Variants in PPP6R1 observed in about 807,000 individuals in gnomAD.
PPP6R1 encodes the protein serine/threonine-protein phosphatase 6 regulatory subunit 1.
PPP6R1 carries 39 observed loss-of-function variants against 104.6 expected under a neutral mutation model. The ratio of observed to expected loss-of-function variants is 0.37; its 90% CI spans 0.29 to 0.49. The LOEUF (loss-of-function observed/expected upper bound fraction) is 0.49, where lower values mean the gene tolerates loss of function less well. Ranked by LOEUF, PPP6R1 falls within the 20% of genes least tolerant of loss-of-function variation. The probability of loss-of-function intolerance (pLI) is 0.98; values close to 1 mark genes in which losing one functional copy is unlikely to be tolerated. For missense variants in PPP6R1, 1,181 were observed against 1,155.8 expected, an observed-to-expected ratio of 1.02 and a Z score of -0.32; for synonymous variants, 549 against 479.0, an observed-to-expected ratio of 1.15 and a Z score of -1.91.
At position 55,258,708 on chromosome 19, in the gene PPP6R1, C is replaced by A. The variant is rs1243922735; in HGVS notation, c.-280G>T. On this transcript the variant is annotated 5_prime_UTR_variant, in exon 1 of 24. Transcript: ENST00000412770. ...CGTCACTAGTCCGCGTAGGCACCTC[C>A]GGGGTCCGCAGGCGAGGTGGGCGTG... is the stretch of plus-strand genomic sequence containing the variant. 1 of 151,488 alleles carries A rather than the reference C, an allele frequency of 6.6e-6. No individual in the cohort carries two copies. The highest frequency in any genetic ancestry group is 2.4e-5 in the African/African-American group (1 of 41,210). The allele number at this position is 151,488 out of a possible 1,614,324, so 9.4% of individuals were successfully genotyped here.
chr19:55,250,432 G>A (rs1474810700), intron 1 of PPP6R1, among the ~76,000 whole-genome samples: 4 of 152,262 alleles, frequency 2.6e-5, no homozygotes, highest in East Asian at 3.9e-4. Context: ...ATGAATGAGC[G>A]AGTTCCCGCT....
intron 5 of PPP6R1, among the ~76,000 whole-genome samples, chr19:55,242,855 C>T (rs1220352853): frequency 1.3e-5 from 2 of 152,218 alleles, no homozygotes; most frequent in Admixed American, 1.3e-4. Flanking sequence ...GAAACTGATA[C>T]ATGCAACCAC....
At chr19:55,246,100 G>A (rs1049165707) in intron 2 of PPP6R1, among the ~76,000 whole-genome samples, 4 of 152,136 alleles carry the variant, frequency 2.6e-5, no homozygotes, top group Admixed American at 1.3e-4. Context: ...GGTGCCTGAC[G>A]GCTCCAAGAC....
Position 55,247,063 on chromosome 19 carries a change from T to G in PPP6R1, c.41A>C (p.Asp14Ala). The G allele has an allele frequency of 6.2e-7, 1 of 1,613,716 alleles. No homozygotes were observed. Among genetic ancestry groups the G allele is most frequent in the Non-Finnish European group, 8.5e-7 (1 of 1,179,860 alleles). ...CAGGTCCTCCCGCTCCAGCAGCGTGTCCAGGTGCGAGCTTGTGTGCAGGTC... is the reference window on the plus strand; with the variant it reads ...CAGGTCCTCCCGCTCCAGCAGCGTGGCCAGGTGCGAGCTTGTGTGCAGGTC... ...KFDLHTSSHL[D>A]TLLEREDLSL... is the part of the protein sequence containing the mutation. Residue 14 changes from aspartate (D) to alanine (A), a missense_variant, in exon 2 of 24, where the codon GAC (aspartate) becomes GCC (alanine). Asp to Ala is a moderately radical substitution (Grantham distance 126). Transcript: ENST00000412770.
downstream of PPP6R1, chr19:55,229,422 C>T (rs553903019): frequency 5.9e-5 from 9 of 152,678 alleles, no homozygotes; most frequent in African/African-American, 1.7e-4. Flanking sequence ...GTGCCACTCG[C>T]TGCACACGCA....
downstream of PPP6R1, chr19:55,229,458 A>G (rs904672009): frequency 3.3e-5 from 5 of 152,292 alleles, no homozygotes; most frequent in African/African-American, 1.2e-4. Flanking sequence ...TTCTACCTGA[A>G]AGACTCAGAC....
chr19:55,236,895 G>A lies in PPP6R1; in HGVS notation c.1809+18C>T, dbSNP rs772699731. ...CACCCCTCCACCCGCCACAACCAGG[G>A]GACAGGGCAGTACTCACGTTCTCAT... On this transcript the variant is annotated intron_variant, in intron 16 of 23. Transcript: ENST00000412770. 3.7e-6 allele frequency: 6 copies of A among 1,612,720 alleles called. No individual in the cohort carries two copies. Among genetic ancestry groups the A allele is most frequent in the Non-Finnish European group, 4.2e-6 (5 of 1,178,692 alleles).
Position 55,245,763 on chromosome 19 carries a change from G to A in PPP6R1, c.228-85C>T, listed in dbSNP as rs562299199. The A allele has an allele frequency of 7.4e-4, 850 of 1,151,068 alleles. 5 individuals are homozygous for A. Among genetic ancestry groups the A allele is most frequent in the Middle Eastern group, 7.2e-3 (25 of 3,480 alleles). 71.3% of individuals were successfully genotyped at this position (1,151,068 alleles called of 1,614,324 possible). A position where few individuals can be genotyped will look rare whatever the true frequency, so the allele number is the denominator to read the frequency against. On this transcript the variant is annotated intron_variant, in intron 2 of 23. Transcript: ENST00000412770. This position sits in a 1 kb window ranked among gnomAD's most constrained non-coding sequence, Gnocchi z 6.4. ...AAGGCTCCACCCTCTTCTCTGCACC[G>A]GGCACTGGGTTTCTGGGAACTGCAG... is the stretch of plus-strand genomic sequence containing the variant.
intron 1 of PPP6R1, among the ~76,000 whole-genome samples, chr19:55,250,560 T>C (rs950930056): frequency 1.3e-5 from 2 of 152,140 alleles, no homozygotes; most frequent in African/African-American, 4.8e-5. Context: ...CCTGTCTGGA[T>C]GGTAAACTCC....
chr19:55,244,678 T>A (rs1345083244), intron 5 of PPP6R1, among the ~76,000 whole-genome samples: 1 of 152,216 alleles, frequency 6.6e-6, no homozygotes, highest in East Asian at 1.9e-4. Context: ...GTCAAGTTTC[T>A]TTCCTTTTCT....
Position 55,240,286 on chromosome 19 carries a change from G to A in PPP6R1, c.1311C>T (p.Cys437=). The change falls in exon 11 of 24, where the codon TGC becomes TGT. Residue 437 remains cysteine (C), a synonymous_variant. Coordinates refer to ENST00000412770, the MANE Select transcript of PPP6R1 (RefSeq NM_014931.4). ...ACGTCAGGATCCGCTCCACCAGGCG[G>A]CACTGCTGCAGCAGCTGCGGGAGAG... ...NPVVKHLLQQ[C]RLVERILTSW... The A allele has an allele frequency of 6.3e-7, 1 of 1,592,554 alleles. No individual in the cohort carries two copies. Among genetic ancestry groups the A allele is most frequent in the Non-Finnish European group, 8.5e-7 (1 of 1,170,360 alleles).
rs987993081 is a variant in PPP6R1, at chr19:55,240,243, G to A, written c.1354C>T (p.Arg452Cys). Residue 452 changes from arginine to cysteine, a missense_variant, in exon 11 of 24, where the codon CGT becomes TGT. Physicochemically the swap from Arg to Cys is radical, Grantham distance 180 (BLOSUM62 -3). Transcript: ENST00000412770. ...RILTSWEEND[R>C]VQCAGGPRKG... is the part of the protein sequence containing the mutation. ...AGGGCAGCAGGTGCTCACTGTACACGGTCGTTCTCCTCCCAGGACGTCAGG... is the reference window on the plus strand; with the variant it reads ...AGGGCAGCAGGTGCTCACTGTACACAGTCGTTCTCCTCCCAGGACGTCAGG... 14 of 1,591,220 alleles carry A rather than the reference G, an allele frequency of 8.8e-6. No individual in the cohort carries two copies. Among genetic ancestry groups the A allele is most frequent in the Non-Finnish European group, 1.2e-5 (14 of 1,169,386 alleles).
Position 55,241,286 on chromosome 19 carries a change from C to A in PPP6R1, c.1114G>T (p.Ala372Ser). The A allele has an allele frequency of 3.1e-6, 5 of 1,610,758 alleles. No individual in the cohort carries two copies. The highest frequency in any genetic ancestry group is 1.1e-5 in the South Asian group (1 of 90,948). ...AGTGCCAGGAGCTCGTGCGTCAGGG[C>A]TGCATCATTGGCGCTCAGGGCACTG... ...LASALSANDA[A>S]LTHELLALDV... is the part of the protein sequence containing the mutation. Residue 372 changes from alanine to serine, a missense_variant, in exon 9 of 24, where the codon GCC becomes TCC. Physicochemically the swap from Ala to Ser is moderately conservative, Grantham distance 99. Coordinates refer to ENST00000412770, the MANE Select transcript of PPP6R1 (RefSeq NM_014931.4). The surrounding 1 kb of genome is among the most constrained non-coding windows in gnomAD (Gnocchi z 5.4).
intron 23 of PPP6R1, 35 bp downstream of exon 23, chr19:55,230,578 C>A: frequency 4.3e-6 from 7 of 1,613,356 alleles, no homozygotes; most frequent in Non-Finnish European, 5.9e-6. Flanking sequence ...AGGCCCAGCC[C>A]CACCTACCCA....
chr19:55,240,821 C>A, intron 10 of PPP6R1, 124 bp downstream of exon 10: 2 of 1,346,700 alleles, frequency 1.5e-6, no homozygotes, highest in East Asian at 2.5e-5. Context: ...CCCATCTGGG[C>A]GCTGGCACCT....
At chr19:55,247,217 C>T (rs1041849192) in intron 1 of PPP6R1, 108 bp from the exon 2 acceptor site, 1 of 1,180,988 alleles carries the variant, frequency 8.5e-7, no homozygotes, top group Non-Finnish European at 1.2e-6. Flanking sequence ...CAGCCTCTCC[C>T]CAAGTCCCAG....
At chr19:55,228,969 G>C, downstream of PPP6R1, 1 of 518,946 alleles carries the variant, frequency 1.9e-6, no homozygotes, top group East Asian at 3.0e-5. Context: ...GCTGGGACAT[G>C]GCTTCCTCCT....
Position 55,241,685 on chromosome 19 carries a change from T to A in PPP6R1, c.846-46A>T. ...AGGCGGAGTGAGCCTAGATGGCCTG[T>A]GCGCCCACACAGGAGTAGGCACAAG... On this transcript the variant is annotated intron_variant, in intron 7 of 23. Coordinates refer to ENST00000412770, the MANE Select transcript of PPP6R1 (RefSeq NM_014931.4). The surrounding 1 kb of genome is among the most constrained non-coding windows in gnomAD (Gnocchi z 5.4). 6.6e-7 allele frequency: 1 copy of A among 1,504,198 alleles called. No homozygotes were observed. 93.2% of individuals were successfully genotyped at this position (1,504,198 alleles called of 1,614,324 possible).
intron 1 of PPP6R1, among the ~76,000 whole-genome samples, chr19:55,256,954 C>T (rs1205773222): frequency 6.6e-6 from 1 of 152,088 alleles, no homozygotes; most frequent in African/African-American, 2.4e-5. Context: ...CACTTACAGA[C>T]GAGGAACAAC....
Sources: gnomAD v4.1 joint callset for allele counts (sites outside exome capture counted in the v4.1 genomes callset) on GRCh38, gnomAD v4.1.1 for gene constraint, Gnocchi (gnomAD v3.1) non-coding constraint, MANE v1.5 for transcripts, NCBI Gene and HGNC (gene_info 2026-07-23, HGNC 2026-07-21) for gene names.